GGN: variants seen among roughly 807,000 people sequenced by gnomAD.
The protein encoded by GGN is gametogenetin.
Under a neutral mutation model 35.5 loss-of-function variants are expected in GGN, and 27 were observed. The observed-to-expected ratio is 0.76, with a 90% CI of 0.56 to 1.05. The LOEUF (loss-of-function observed/expected upper bound fraction) is 1.05, where lower values mean the gene tolerates loss of function less well. GGN is among the 50% of genes least tolerant of loss of function. The pLI, the probability that GGN is intolerant of heterozygous loss-of-function variation, is 0.00. For synonymous variants in GGN, 425 were observed against 444.1 expected (o/e 0.96, Z 0.54); for missense variants, 1,006 against 940.7 (o/e 1.07, Z -0.91).
At position 38,387,723 on chromosome 19, in the gene GGN, C is replaced by T; in HGVS notation, c.-20+38G>A. The stretch of plus-strand genomic sequence containing the variant: ...AAGCTCCACCCCTGTCCCCAAGCTC[C>T]GCCCTGGCCCCGCCTCCCCCCAGAG... On this transcript the variant is annotated intron_variant, in intron 2 of 3. Coordinates refer to ENST00000334928, the MANE Select transcript of GGN (RefSeq NM_152657.4). This position sits in a 1 kb window ranked among gnomAD's most constrained non-coding sequence, Gnocchi z 5.3. The T allele has an allele frequency of 6.1e-6, 1 of 163,242 alleles. No individual in the cohort carries two copies. Among genetic ancestry groups the T allele is most frequent in the Non-Finnish European group, 1.3e-5 (1 of 74,170 alleles). The allele number at this position is 163,242 out of a possible 1,614,324, so 10.1% of individuals were successfully genotyped here.
chr19:38,386,089 C>A lies in GGN; in HGVS notation c.1173G>T (p.Pro391=). ...CTGAGTGTATCTGCTCTGGTGGTGG[C>A]GGAGGGGAGCCCCAAGGCCCAGAGA... ...AALSGPWGSP[P]PPPEQIHSAP... Residue 391 remains proline (P), a synonymous_variant, in exon 3 of 4, where the codon CCG becomes CCT. Transcript: ENST00000334928. 6.3e-7 allele frequency: 1 copy of A among 1,582,766 alleles called. No homozygotes were observed. Among genetic ancestry groups the A allele is most frequent in the Non-Finnish European group, 8.6e-7 (1 of 1,166,908 alleles).
Position 38,386,818 on chromosome 19 carries a change from G to GGGCGGC in GGN, c.438_443dup (p.Pro147_Pro148dup), listed in dbSNP as rs548116774. 1 of 1,608,118 alleles carries GGGCGGC rather than the reference G, an allele frequency of 6.2e-7. No individual in the cohort carries two copies. The highest frequency in any genetic ancestry group is 8.5e-7 in the Non-Finnish European group (1 of 1,176,822). On this transcript the variant is annotated inframe_insertion, in exon 3 of 4. Transcript: ENST00000334928. ...CAGTGTCCTTCACGGATAGTTGCCG[G>GGGCGGC]GGCGGCGGCGGCGGCTTCAGCGGGC...
rs777843540 is a variant in GGN at position 38,386,729 on chromosome 19, G to A, written c.533C>T (p.Pro178Leu). The A allele has an allele frequency of 6.8e-6, 11 of 1,608,960 alleles. No individual in the cohort carries two copies. Among genetic ancestry groups the A allele is most frequent in the Admixed American group, 1.7e-5 (1 of 59,630 alleles). ...GCGGTCCGCCGGCTGCCGTTCAGAA[G>A]GTAATGGTGGTGGCGGCTTCCAAGT... Reference protein sequence around the residue: ...LETWKPPPPLPSERQPADRRI... With the variant: ...LETWKPPPPLLSERQPADRRI... Residue 178 changes from proline to leucine, a missense_variant, in exon 3 of 4, where the codon CCT becomes CTT. Coordinates refer to ENST00000334928, the MANE Select transcript of GGN (RefSeq NM_152657.4).
At position 38,386,847 on chromosome 19, in the gene GGN, G is replaced by A. The variant is rs764223387; in HGVS notation, c.415C>T (p.Leu139Phe). The change falls in exon 3 of 4, where the codon CTC becomes TTC. Residue 139 changes from leucine to phenylalanine, a missense_variant. Leu to Phe is a conservative substitution (Grantham distance 22). Transcript: ENST00000334928. ...GGCGGCGGCGGCTTCAGCGGGCGGA[G>A]GCTCGGAGGGTCGCCCTGGCCGCGA... ...SHRGQGDPPS[L>F]RPLKPPPPPR... The A allele has an allele frequency of 6.2e-7, 1 of 1,602,574 alleles. No homozygotes were observed. Among genetic ancestry groups the A allele is most frequent in the South Asian group, 1.1e-5 (1 of 90,254 alleles).
In GGN at chr19:38,386,789, G is replaced by C. The variant is rs758549937; in HGVS notation, c.473C>G (p.Pro158Arg). ...PRQLSVKDTV[P>R]RAPSQFPPPL... ...CGGCGGAAATTGGGATGGGGCCCTC[G>C]GGACAGTGTCCTTCACGGATAGTTG... Residue 158 changes from proline to arginine, a missense_variant, in exon 3 of 4, where the codon CCG (proline) becomes CGG (arginine). Transcript: ENST00000334928. 2.5e-6 allele frequency: 4 copies of C among 1,610,580 alleles called. No individual in the cohort carries two copies. In the East Asian group the frequency reaches 8.9e-5, roughly 36 times the overall value.
rs759810596 is a variant in GGN at position 38,386,839 on chromosome 19, C to T, written c.423G>A (p.Pro141=). The change falls in exon 3 of 4, where the codon CCG becomes CCA. Residue 141 remains proline, a synonymous_variant. Transcript: ENST00000334928. The part of the protein sequence containing the change: ...RGQGDPPSLR[P]LKPPPPPRQL... ...GCCGGGGCGGCGGCGGCGGCTTCAG[C>T]GGGCGGAGGCTCGGAGGGTCGCCCT... The T allele has an allele frequency of 6.2e-7, 1 of 1,604,586 alleles. No individual in the cohort carries two copies. Among genetic ancestry groups the T allele is most frequent in the East Asian group, 2.2e-5 (1 of 44,520 alleles).
chr19:38,385,202 A>C (rs1464655417), intron 3 of GGN, among the ~76,000 whole-genome samples: 1 of 152,188 alleles, frequency 6.6e-6, no homozygotes, highest in Non-Finnish European at 1.5e-5. Flanking sequence ...TAGGGATTGG[A>C]TGCCATAGGG....
Position 38,385,937 on chromosome 19 carries a change from G to C in GGN, c.1325C>G (p.Pro442Arg). Residue 442 changes from proline to arginine, a missense_variant, in exon 3 of 4, where the codon CCG becomes CGG. Physicochemically the swap from Pro to Arg is moderately radical, Grantham distance 103. Transcript: ENST00000334928. ...PGLQELPPLP[P>R]PTPPPTLQPP... ...CTGCAGTGTGGGCGGCGGTGTGGGC[G>C]GTGGCAGCGGTGGTAACTCCTGCAG... 6.3e-7 allele frequency: 1 copy of C among 1,586,950 alleles called. No homozygotes were observed. The highest frequency in any genetic ancestry group is 2.3e-5 in the East Asian group (1 of 43,310).
At chr19:38,385,343 C>T in intron 3 of GGN, 78 bp downstream of exon 3, 1 of 1,586,910 alleles carries the variant, frequency 6.3e-7, no homozygotes, top group Non-Finnish European at 8.6e-7. Context: ...ATTCTAGGGT[C>T]AGGAAGCCAA....
intron 3 of GGN, 50 bp from the exon 4 acceptor site, chr19:38,384,579 C>T: frequency 7.4e-7 from 1 of 1,343,246 alleles, no homozygotes; most frequent in Non-Finnish European, 1.1e-6. Flanking sequence ...GACCAGGCCT[C>T]TAGCCCTTCT....
At chr19:38,388,253 G>T (rs942050844), upstream of GGN, among the ~76,000 whole-genome samples, 3 of 151,480 alleles carry the variant, frequency 2.0e-5, no homozygotes, top group African/African-American at 7.3e-5. Flanking sequence ...CCCCCCGGGC[G>T]CCGAGAAGGC....
In GGN at chr19:38,387,248, T is replaced by C; in HGVS notation, c.14A>G (p.Gln5Arg). The C allele has an allele frequency of 6.3e-7, 1 of 1,595,380 alleles. No individual in the cohort carries two copies. Among genetic ancestry groups the C allele is most frequent in the South Asian group, 1.1e-5 (1 of 88,586 alleles). The change falls in exon 3 of 4, where the codon CAG becomes CGG. Residue 5 changes from glutamine (Q) to arginine (R), a missense_variant. Gln to Arg is a conservative substitution (Grantham distance 43). Coordinates refer to ENST00000334928, the MANE Select transcript of GGN (RefSeq NM_152657.4). The surrounding 1 kb of genome is among the most constrained non-coding windows in gnomAD (Gnocchi z 5.3). Reference sequence around the variant, plus strand: ...GCCCCCGCCCGCGGATGGCTCCGACTGCAAGTTCCCCATTTCTGACGGAGC... The same window carrying C: ...GCCCCCGCCCGCGGATGGCTCCGACCGCAAGTTCCCCATTTCTGACGGAGC... MGNL[Q>R]SEPSAGGGSR...
Position 38,385,563 on chromosome 19 carries a change from T to A in GGN, c.1699A>T (p.Ser567Cys), listed in dbSNP as rs551958768. The part of the protein sequence containing the change: ...PDSSGGGGGG[S>C]GASQTGAANT... The stretch of plus-strand genomic sequence containing the variant: ...GCTGCCCCAGTCTGAGAGGCCCCGC[T>A]GCCACCACCCCCTCCACCACTGCTG... The change falls in exon 3 of 4, where the codon AGC becomes TGC. Residue 567 changes from serine to cysteine, a missense_variant. Transcript: ENST00000334928. The A allele has an allele frequency of 2.0e-5, 32 of 1,614,100 alleles. No individual in the cohort carries two copies. In the South Asian group the frequency reaches 3.5e-4, roughly 18 times the overall value.
chr19:38,385,714 G>T lies in GGN; in HGVS notation c.1548C>A (p.Pro516=). The change falls in exon 3 of 4, where the codon CCC becomes CCA. Residue 516 remains proline, a synonymous_variant. Coordinates refer to ENST00000334928, the MANE Select transcript of GGN (RefSeq NM_152657.4). ...TGCGGGTCTTGATGGGCGCAGCCGC[G>T]GGTGCGGGCGCGGACACAGGCGGCG... The part of the protein sequence containing the change: ...EPSPPVSAPA[P]AAAPIKTRTR... The T allele has an allele frequency of 6.2e-7, 1 of 1,610,908 alleles. No homozygotes were observed. Among genetic ancestry groups the T allele is most frequent in the Non-Finnish European group, 8.5e-7 (1 of 1,178,842 alleles).
In GGN at chr19:38,387,283, A is replaced by G. The variant is rs7248540; in HGVS notation, c.-19-3T>C. 0.03 allele frequency: 47,024 copies of G among 1,558,132 alleles called. 803 individuals are homozygous for G. Among genetic ancestry groups the G allele is most frequent in the South Asian group, 0.048 (4,075 of 85,258 alleles). On this transcript the variant is annotated splice_polypyrimidine_tract_variant and splice_region_variant and intron_variant, in intron 2 of 3. Transcript: ENST00000334928. This position sits in a 1 kb window ranked among gnomAD's most constrained non-coding sequence, Gnocchi z 5.3. ...CCATTTCTGACGGAGCTCGGAGACT[A>G]GTCAGAAAAATTTACTCCAGTCAGC... is the stretch of plus-strand genomic sequence containing the variant.
In GGN at chr19:38,387,559, GTCCTC is replaced by G. The variant is rs1293772709; in HGVS notation, c.-20+197_-20+201del. ...CTTGGCTGGTCATGCTGATCCCTCA[GTCCTC>G]TCCTCTAACTCTCCGACTCCCCGCC... On this transcript the variant is annotated intron_variant, in intron 2 of 3. Coordinates refer to ENST00000334928, the MANE Select transcript of GGN (RefSeq NM_152657.4). The surrounding 1 kb of genome is among the most constrained non-coding windows in gnomAD (Gnocchi z 5.3). 3.3e-5 allele frequency among the ~76,000 whole-genome samples: 5 copies of G among 151,950 alleles called. No individual in the cohort carries two copies. The highest frequency in any genetic ancestry group is 1.9e-4 in the East Asian group (1 of 5,196).
chr19:38,384,508 G>A lies in GGN; in HGVS notation c.1863C>T (p.His621=), dbSNP rs1568389807. The A allele has an allele frequency of 1.9e-6, 3 of 1,613,948 alleles. No individual in the cohort carries two copies. The highest frequency in any genetic ancestry group is 2.2e-5 in the East Asian group (1 of 44,876). ...TGGCAACCCAGGGTGGCTCGCCCAG[G>A]TGGTTGGTGGATGTGCTCAGCCTAG... The part of the protein sequence containing the change: ...VSAWLSTSTN[H]LGEPPWVATI... The change falls in exon 4 of 4, where the codon CAC becomes CAT. Residue 621 remains histidine, a synonymous_variant. Transcript: ENST00000334928.
Position 38,387,106 on chromosome 19 carries a change from A to C in GGN, c.156T>G (p.Pro52=), listed in dbSNP as rs762133620. The change falls in exon 3 of 4, where the codon CCT becomes CCG. Residue 52 remains proline (P), a synonymous_variant. Coordinates refer to ENST00000334928, the MANE Select transcript of GGN (RefSeq NM_152657.4). This position sits in a 1 kb window ranked among gnomAD's most constrained non-coding sequence, Gnocchi z 5.3. ...TGAGTCCCGGGGGTGTGGCGCTGCC[A>C]GGGAACCAGACACCCAGCCCACGAG... ...RLTRGLGVWF[P]GSATPPGLMV... is the part of the protein sequence containing the mutation. The C allele has an allele frequency of 3.8e-6, 6 of 1,560,092 alleles. No homozygotes were observed. The highest frequency in any genetic ancestry group is 4.8e-5 in the East Asian group (2 of 41,388).
In GGN at chr19:38,387,100, G is replaced by A. The variant is rs1970745570; in HGVS notation, c.162C>T (p.Ser54=). The change falls in exon 3 of 4, where the codon AGC becomes AGT. Residue 54 remains serine, a synonymous_variant. Transcript: ENST00000334928. The surrounding 1 kb of genome is among the most constrained non-coding windows in gnomAD (Gnocchi z 5.3). ...TRGLGVWFPG[S]ATPPGLMVPR... is the part of the protein sequence containing the mutation. ...GTACCATGAGTCCCGGGGGTGTGGC[G>A]CTGCCAGGGAACCAGACACCCAGCC... 6.4e-7 allele frequency: 1 copy of A among 1,559,062 alleles called. No homozygotes were observed. Among genetic ancestry groups the A allele is most frequent in the Admixed American group, 1.9e-5 (1 of 51,878 alleles).
Sources: gnomAD v4.1 joint callset for allele counts (sites outside exome capture counted in the v4.1 genomes callset) on GRCh38, gnomAD v4.1.1 for gene constraint, Gnocchi (gnomAD v3.1) non-coding constraint, MANE v1.5 for transcripts, NCBI Gene and HGNC (gene_info 2026-07-23, HGNC 2026-07-21) for gene names.